GPHN: variants seen among roughly 807,000 people sequenced by gnomAD.
GPHN encodes the protein gephyrin.
In GPHN, 17 loss-of-function variants were observed where a neutral mutation model predicts 95.5. The observed-to-expected ratio is 0.18, with a 90% CI of 0.12 to 0.27. GPHN has a LOEUF of 0.27. Ranked by LOEUF, GPHN falls within the 10% of genes least tolerant of loss-of-function variation. The pLI is 1.00. For missense variants in GPHN, 660 were observed against 978.1 expected, an observed-to-expected ratio of 0.67 and a Z score of 4.34; for synonymous variants, 320 against 322.5, an observed-to-expected ratio of 0.99 and a Z score of 0.08.
chr14:67,497,653 T>C, the GPHN span, among the ~76,000 whole-genome samples: 2 of 152,342 alleles, frequency 1.3e-5, no homozygotes, highest in East Asian at 3.9e-4. Context: ...TTGCACGATT[T>C]TAACACATGC....
intron 11 of GPHN, among the ~76,000 whole-genome samples, chr14:67,074,312 T>C (rs2076417296): frequency 6.6e-6 from 1 of 152,146 alleles, no homozygotes. Flanking sequence ...ATTCTCACAA[T>C]AATTCATACT....
chr14:67,259,142 C>T, the GPHN span, among the ~76,000 whole-genome samples: 5 of 151,668 alleles, frequency 3.3e-5, no homozygotes, highest in African/African-American at 1.2e-4. Context: ...TGCACCAGGC[C>T]GATTTTAACT....
At chr14:67,681,706 C>T in the GPHN span, among the ~76,000 whole-genome samples, 1 of 152,088 alleles carries the variant, frequency 6.6e-6, no homozygotes, top group African/African-American at 2.4e-5. Context: ...TGCTTGAACC[C>T]AGGAGGCGGA....
chr14:67,556,006 C>CAA, the GPHN span: 1 of 1,312,336 alleles, frequency 7.6e-7, no homozygotes, highest in Non-Finnish European at 1.1e-6. Flanking sequence ...TATACCTGAA[C>CAA]AAATGAGTGT....
At chr14:66,985,739 G>A (rs1421876767) in intron 9 of GPHN, 1 of 1,517,810 alleles carries the variant, frequency 6.6e-7, no homozygotes, top group South Asian at 1.2e-5. Context: ...ATCCCTCAAA[G>A]TAAATATGTT....
At chr14:67,710,187 A>G in the GPHN span, among the ~76,000 whole-genome samples, 2 of 152,200 alleles carry the variant, frequency 1.3e-5, no homozygotes, top group Non-Finnish European at 2.9e-5. Context: ...CACTTTGGGT[A>G]CATGTCATCA....
intron 8 of GPHN, among the ~76,000 whole-genome samples, chr14:66,935,102 A>G (rs1279971385): frequency 6.6e-6 from 1 of 152,190 alleles, no homozygotes; most frequent in Non-Finnish European, 1.5e-5. Flanking sequence ...ATATTTTCAG[A>G]GAGACTGGAT....
intron 9 of GPHN, among the ~76,000 whole-genome samples, chr14:66,989,034 G>A (rs1374845175): frequency 6.6e-6 from 1 of 151,874 alleles, no homozygotes; most frequent in Non-Finnish European, 1.5e-5. Context: ...ATAGTCATGT[G>A]TATCTCTACG....
At chr14:66,570,042 T>G (rs1420964182) in intron 1 of GPHN, among the ~76,000 whole-genome samples, 4 of 128,890 alleles carry the variant, frequency 3.1e-5, no homozygotes, top group African/African-American at 1.2e-4. Flanking sequence ...AATATTCTAT[T>G]TGTTTTTTTG....
chr14:67,415,411 A>G, the GPHN span, among the ~76,000 whole-genome samples: 6 of 152,228 alleles, frequency 3.9e-5, no homozygotes, highest in Non-Finnish European at 8.8e-5. Flanking sequence ...TTCACTGTGT[A>G]AATAGTATTA....
intron 8 of GPHN, among the ~76,000 whole-genome samples, chr14:66,932,455 T>TTTTG (rs1567118379): frequency 3.6e-5 from 4 of 112,256 alleles, no homozygotes; most frequent in Admixed American, 1.8e-4. Context: ...TTTTTTTTTT[T>TTTTG]TTTTTTTTTT....
chr14:67,587,390 T>C, the GPHN span: 4 of 807,304 alleles, frequency 5.0e-6, no homozygotes, highest in African/African-American at 6.9e-5. Context: ...CTTTACTCTC[T>C]AGGTGCCTTA....
chr14:66,548,268 C>T (rs1018491011), intron 1 of GPHN, among the ~76,000 whole-genome samples: 81 of 150,980 alleles, frequency 5.4e-4, no homozygotes, highest in African/African-American at 1.9e-3. Flanking sequence ...GCAACCTCTT[C>T]CTCCCAGGTT....
chr14:66,839,995 C>G (rs2062009698), intron 4 of GPHN, among the ~76,000 whole-genome samples: 1 of 151,984 alleles, frequency 6.6e-6, no homozygotes, highest in Non-Finnish European at 1.5e-5. Flanking sequence ...ATATTGAAAG[C>G]AGGCCAGTTG....
intron 11 of GPHN, among the ~76,000 whole-genome samples, chr14:67,061,777 A>C (rs1261815771): frequency 6.6e-6 from 1 of 151,986 alleles, no homozygotes. Context: ...CTCCCAAAGT[A>C]CTAGTATTAC....
At chr14:66,812,826 G>A (rs533471354) in intron 3 of GPHN, among the ~76,000 whole-genome samples, 2 of 152,288 alleles carry the variant, frequency 1.3e-5, no homozygotes, top group East Asian at 1.9e-4. Context: ...ATTGTTTGCT[G>A]TTGGAACATA....
chr14:67,500,343 G>A, the GPHN span, among the ~76,000 whole-genome samples: 118 of 151,786 alleles, frequency 7.8e-4, no homozygotes, highest in Non-Finnish European at 1.4e-3. Context: ...GCATGGTGGC[G>A]GGCGCCTGTA....
the GPHN span, chr14:67,722,302 C>G: frequency 1.2e-5 from 5 of 407,122 alleles, no homozygotes; most frequent in Admixed American, 1.1e-4. Flanking sequence ...AACACATTTC[C>G]TAGAGAAGAG....
At chr14:66,907,660 G>C (rs2065452770) in intron 5 of GPHN, among the ~76,000 whole-genome samples, 1 of 152,144 alleles carries the variant, frequency 6.6e-6, no homozygotes, top group African/African-American at 2.4e-5. Flanking sequence ...CATGGAAGCG[G>C]GTGGAGGGGA....
Sources: allele counts gnomAD v4.1 joint callset (sites outside exome capture counted in the v4.1 genomes callset), GRCh38; gene constraint gnomAD v4.1.1; transcripts MANE v1.5; gene names NCBI Gene and HGNC (gene_info 2026-07-23, HGNC 2026-07-21).